URB1: variants seen among roughly 807,000 people sequenced by gnomAD.
URB1 encodes the protein URB1 ribosome biogenesis factor, also known as nucleolar pre-ribosomal-associated protein 1.
Under a neutral mutation model 242.3 loss-of-function variants are expected in URB1, and 197 were observed. The ratio of observed to expected loss-of-function variants is 0.81; its 90% CI spans 0.72 to 0.91. The LOEUF (loss-of-function observed/expected upper bound fraction) is 0.91. URB1 is among the 40% of genes least tolerant of loss of function. The pLI, the probability that URB1 is intolerant of heterozygous loss-of-function variation, is 0.00. For synonymous variants in URB1, 1,153 were observed against 1,201.8 expected, an observed-to-expected ratio of 0.96 and a Z score of 0.84; for missense variants, 2,721 against 2,860.5, an observed-to-expected ratio of 0.95 and a Z score of 1.11.
intron 33 of URB1, among the ~76,000 whole-genome samples, chr21:32,322,271 A>G (rs568707415): frequency 2.6e-5 from 4 of 152,248 alleles, no homozygotes; most frequent in Non-Finnish European, 5.9e-5. Context: ...AGGACTCTGA[A>G]GCAGAGTTTT....
chr21:32,389,884 A>G (rs1042972359), intron 1 of URB1, among the ~76,000 whole-genome samples: 1 of 152,100 alleles, frequency 6.6e-6, no homozygotes, highest in African/African-American at 2.4e-5. Context: ...GTCCTTACCA[A>G]TCTAACCTGG....
Position 32,316,539 on chromosome 21 carries a change from T to C in URB1, c.6561A>G (p.Ala2187=), listed in dbSNP as rs2032688365. ...CCATGGCCGGGTGGAAGGGGCTCCC[T>C]GCCCGGCCCTGGGCAGCCACCAGCT... ...MLQLVAAQGR[A]GSPFHPAMEA... The change falls in exon 38 of 39, where the codon GCA becomes GCG. Residue 2187 remains alanine, a synonymous_variant. Coordinates refer to ENST00000382751, the MANE Select transcript of URB1 (RefSeq NM_014825.3). 1.3e-6 allele frequency: 2 copies of C among 1,550,654 alleles called. No individual in the cohort carries two copies. Among genetic ancestry groups the C allele is most frequent in the South Asian group, 2.4e-5 (2 of 83,976 alleles).
At chr21:32,315,836 G>A (rs947860175) in intron 38 of URB1, among the ~76,000 whole-genome samples, 4 of 152,202 alleles carry the variant, frequency 2.6e-5, no homozygotes, top group Non-Finnish European at 5.9e-5. Context: ...GCTACCAGGT[G>A]AGCCTACCCG....
Position 32,334,151 on chromosome 21 carries a change from C to T in URB1, c.4857+12G>A, listed in dbSNP as rs1284722232. On this transcript the variant is annotated intron_variant, in intron 29 of 38. Coordinates refer to ENST00000382751, the MANE Select transcript of URB1 (RefSeq NM_014825.3). ...GAAGGGGTGGGTAGGGACAGAACAG[C>T]AGCAGCCCAACCTCGGGGGGCAGCA... 1.3e-6 allele frequency: 2 copies of T among 1,537,388 alleles called. No individual in the cohort carries two copies. The highest frequency in any genetic ancestry group is 1.8e-6 in the Non-Finnish European group (2 of 1,137,054).
chr21:32,385,350 TAAG>T (rs1024890758), intron 2 of URB1, among the ~76,000 whole-genome samples, 192 bp downstream of exon 2: 1 of 152,226 alleles, frequency 6.6e-6, no homozygotes, highest in Admixed American at 6.5e-5. Flanking sequence ...ATGTTAATAA[TAAG>T]TGAGAATTTT....
intron 18 of URB1, 48 bp from the exon 19 acceptor site, chr21:32,352,954 C>G: frequency 6.7e-7 from 1 of 1,485,536 alleles, no homozygotes; most frequent in Non-Finnish European, 9.0e-7. Context: ...TGGGCCCACC[C>G]TTCTGTGACC....
At chr21:32,319,521 G>A in intron 35 of URB1, 107 bp from the exon 36 acceptor site, 1 of 1,155,154 alleles carries the variant, frequency 8.7e-7, no homozygotes, top group Non-Finnish European at 1.2e-6. Flanking sequence ...GATAAGCATA[G>A]TCTCCAAGTA....
Position 32,375,460 on chromosome 21 carries a change from A to G in URB1, c.688T>C (p.Ser230Pro), listed in dbSNP as rs1439772205. 2.0e-6 allele frequency: 3 copies of G among 1,531,352 alleles called. No individual in the cohort carries two copies. In the Admixed American group the frequency reaches 6.3e-5, roughly 32 times the overall value. The allele number at this position is 1,531,352 out of a possible 1,614,324, so 94.9% of individuals were successfully genotyped here. ...VKEFIPCIFS[S>P]GIKEDRISTI... The stretch of plus-strand genomic sequence containing the variant: ...GAGATCCTATCTTCCTTTATCCCTG[A>G]GCTAAAAATGCAAGGAATAAATTCT... Residue 230 changes from serine to proline, a missense_variant, in exon 6 of 39, where the codon TCA becomes CCA. By Grantham distance (74) the Ser-to-Pro change is moderately conservative (BLOSUM62 -1). Transcript: ENST00000382751.
At position 32,341,543 on chromosome 21, in the gene URB1, A is replaced by AG. The variant is rs1568816652; in HGVS notation, c.4258-20dup. The stretch of plus-strand genomic sequence containing the variant: ...GTGCATGCTATGAATAAAATAAGTA[A>AG]GAAAAACACATGAAACATCTCAGTC... On this transcript the variant is annotated intron_variant, in intron 24 of 38. Transcript: ENST00000382751. 1.9e-6 allele frequency: 3 copies of AG among 1,549,962 alleles called. No individual in the cohort carries two copies. The South Asian group carries it at 3.6e-5, about 18-fold the overall frequency.
chr21:32,350,851 C>T lies in URB1; in HGVS notation c.2685G>A (p.Gln895=), dbSNP rs1329839194. 1 of 1,551,142 alleles carries T rather than the reference C, an allele frequency of 6.4e-7. No individual in the cohort carries two copies. The highest frequency in any genetic ancestry group is 1.4e-5 in the African/African-American group (1 of 73,188). Residue 895 remains glutamine (Q), a synonymous_variant, in exon 20 of 39, where the codon CAG becomes CAA. Transcript: ENST00000382751. ...GAAGCGCTTGGCTCTCGTAGGCTGC[C>T]TGCAGCAGGGCTGTGAAGGACGAGG... ...PLASSFTALL[Q]AAYESQALRD... is the part of the protein sequence containing the mutation.
chr21:32,345,634 G>A (rs1468931265), intron 22 of URB1, 59 bp from the exon 23 acceptor site: 8 of 1,465,696 alleles, frequency 5.5e-6, no homozygotes, highest in Non-Finnish European at 7.3e-6. Flanking sequence ...CAGCCAGCTT[G>A]GACCAGCTCC....
At chr21:32,377,615 G>A (rs563748194) in intron 5 of URB1, among the ~76,000 whole-genome samples, 37 of 152,034 alleles carry the variant, frequency 2.4e-4, no homozygotes, top group Non-Finnish European at 4.6e-4. Flanking sequence ...GCAATAGAGC[G>A]CCCCACACAG....
intron 30 of URB1, among the ~76,000 whole-genome samples, chr21:32,330,489 G>GAA (rs60513867): frequency 7.3e-6 from 1 of 136,950 alleles, no homozygotes; most frequent in Admixed American, 7.1e-5. Flanking sequence ...CAGACCAAGG[G>GAA]AAAAAAAAAA....
chr21:32,363,665 C>T (rs1250355826), intron 10 of URB1, among the ~76,000 whole-genome samples: 3 of 152,082 alleles, frequency 2.0e-5, no homozygotes, highest in African/African-American at 7.2e-5. Context: ...CCCACTCTGC[C>T]ACTATTTTTT....
chr21:32,359,953 G>A, intron 13 of URB1, 45 bp from the exon 14 acceptor site: 12 of 1,526,728 alleles, frequency 7.9e-6, no homozygotes, highest in Non-Finnish European at 9.7e-6. Flanking sequence ...ACATGGACGT[G>A]GGTGCCCAAC....
rs538078464 is a variant in URB1 at position 32,372,387 on chromosome 21, G to A, written c.1001+120C>T. 177 of 1,319,998 alleles carry A rather than the reference G, an allele frequency of 1.3e-4. No homozygotes were observed. In the East Asian group the frequency reaches 2.5e-3, roughly 19 times the overall value. The allele number at this position is 1,319,998 out of a possible 1,614,324, so 81.8% of individuals were successfully genotyped here. On this transcript the variant is annotated intron_variant, in intron 8 of 38. Coordinates refer to ENST00000382751, the MANE Select transcript of URB1 (RefSeq NM_014825.3). ...GACTACAACTGTTCAACCCTGAAAC[G>A]AGTTAGATAATGTCCACAATTCTAG... is the stretch of plus-strand genomic sequence containing the variant.
At chr21:32,319,510 A>G in intron 35 of URB1, 96 bp from the exon 36 acceptor site, 2 of 1,206,080 alleles carry the variant, frequency 1.7e-6, no homozygotes, top group African/African-American at 3.1e-5. Flanking sequence ...TCATCCCCCT[A>G]GATAAGCATA....
chr21:32,330,375 T>TA (rs1051624695), intron 30 of URB1, among the ~76,000 whole-genome samples: 1 of 151,960 alleles, frequency 6.6e-6, no homozygotes, highest in Admixed American at 6.6e-5. Context: ...CAATAAAACT[T>TA]AAATAGTCGT....
intron 25 of URB1, among the ~76,000 whole-genome samples, chr21:32,339,860 A>T (rs899471120): frequency 5.9e-5 from 9 of 152,206 alleles, no homozygotes; most frequent in Non-Finnish European, 1.3e-4. Context: ...GCCAGGAGGC[A>T]TGAGAACAGC....
Sources: allele counts gnomAD v4.1 joint callset (sites outside exome capture counted in the v4.1 genomes callset), GRCh38; gene constraint gnomAD v4.1.1; transcripts MANE v1.5; gene names NCBI Gene and HGNC (gene_info 2026-07-23, HGNC 2026-07-21).